The following IL15 variants were observed in gnomAD, a reference collection of about 807,000 sequenced individuals.
IL15 encodes the protein interleukin 15.
In IL15, 11 loss-of-function variants were observed where a neutral mutation model predicts 19.6. The observed-to-expected ratio is 0.56, with a 90% CI of 0.35 to 0.93. The LOEUF is 0.93. IL15 is among the 40% of genes least tolerant of loss of function. The pLI is 0.01. For synonymous variants in IL15, 58 were observed against 59.6 expected (o/e 0.97, Z 0.12); for missense variants, 197 against 186.5 (o/e 1.06, Z -0.33).
chr4:141,692,384 C>T (rs1363298480), intron 2 of IL15, among the ~76,000 whole-genome samples: 1 of 152,232 alleles, frequency 6.6e-6, no homozygotes, highest in Non-Finnish European at 1.5e-5. Context: ...AGGCAAATTT[C>T]TGCAGGCTTG....
At chr4:141,713,765 A>G (rs966364724) in intron 2 of IL15, among the ~76,000 whole-genome samples, 5 of 152,196 alleles carry the variant, frequency 3.3e-5, no homozygotes, top group Non-Finnish European at 5.9e-5. Context: ...CACTACCTTT[A>G]TGAAGTCCTA....
chr4:141,688,251 T>A (rs1579020752), intron 2 of IL15, among the ~76,000 whole-genome samples: 1 of 152,212 alleles, frequency 6.6e-6, no homozygotes, highest in African/African-American at 2.4e-5. Context: ...TGACATGTAG[T>A]GACCCTGAAA....
rs78794548 is a variant in IL15 at position 141,638,708 on chromosome 4, G to T, written c.-222+1960G>T. On this transcript the variant is annotated intron_variant, in intron 1 of 7. Coordinates refer to ENST00000320650, the MANE Select transcript of IL15 (RefSeq NM_000585.5). The stretch of plus-strand genomic sequence containing the variant: ...ATCGAAATAGATTTTGGAAGTGGAA[G>T]GTTTTAAAGCCTACGGGATACTCCA... Among the ~76,000 whole-genome samples, 58 of 152,276 alleles carry T rather than the reference G, an allele frequency of 3.8e-4. 1 individual carries two copies. Among genetic ancestry groups the T allele is most frequent in the Middle Eastern group, 6.8e-3 (2 of 294 alleles).
chr4:141,716,647 A>G, intron 2 of IL15: 1 of 152,374 alleles, frequency 6.6e-6, no homozygotes, highest in South Asian at 2.1e-4. Flanking sequence ...AGCCAAGGAA[A>G]TGGGGTTGCC....
chr4:141,693,037 A>AAAAAAAAAAAAAAAAAAAAT (rs1318447622), intron 2 of IL15, among the ~76,000 whole-genome samples: 1 of 148,414 alleles, frequency 6.7e-6, no homozygotes, highest in African/African-American at 2.5e-5. Flanking sequence ...AAAAAAAAAA[A>AAAAAAAAAAAAAAAAAAAAT]AAAAAGATAC....
At chr4:141,680,242 C>G (rs897856567) in intron 2 of IL15, among the ~76,000 whole-genome samples, 1 of 152,178 alleles carries the variant, frequency 6.6e-6, no homozygotes, top group South Asian at 2.1e-4. Flanking sequence ...TGCTGATTAT[C>G]TAGCTTGATA....
chr4:141,654,032 AC>A (rs1727501928), intron 1 of IL15, among the ~76,000 whole-genome samples: 1 of 152,228 alleles, frequency 6.6e-6, no homozygotes, highest in African/African-American at 2.4e-5. Context: ...AATGGAATAC[AC>A]TATTGTTTTA....
chr4:141,724,856 T>C (rs1730207836), intron 5 of IL15, among the ~76,000 whole-genome samples: 1 of 152,132 alleles, frequency 6.6e-6, no homozygotes, highest in Non-Finnish European at 1.5e-5. Flanking sequence ...CACTGAATCA[T>C]TCTATCAAAT....
At chr4:141,709,076 A>G (rs1415654486) in intron 2 of IL15, among the ~76,000 whole-genome samples, 1 of 132,904 alleles carries the variant, frequency 7.5e-6, no homozygotes, top group African/African-American at 2.9e-5. Context: ...TTCAATATTG[A>G]AAATTTTCAA....
chr4:141,700,451 C>G (rs1729245947), intron 2 of IL15, among the ~76,000 whole-genome samples: 1 of 152,106 alleles, frequency 6.6e-6, no homozygotes, highest in Non-Finnish European at 1.5e-5. Flanking sequence ...ATATAGGGCC[C>G]CAATCCCTTC....
rs143785767 is a variant in IL15 at position 141,680,857 on chromosome 4, C to G, written c.-100+24550C>G. On this transcript the variant is annotated intron_variant, in intron 2 of 7. Transcript: ENST00000320650. ...TCAACAATTCACCTCTTTCATTACC[C>G]TAGGTAGAGCTCCTCAGAAGTACTT... 3.2e-4 allele frequency among the ~76,000 whole-genome samples: 49 copies of G among 152,238 alleles called. 1 individual carries two copies. Among genetic ancestry groups the G allele is most frequent in the African/African-American group, 9.9e-4 (41 of 41,552 alleles).
At chr4:141,728,019 T>G (rs1325376326) in intron 6 of IL15, 35 bp downstream of exon 6, 2 of 1,018,668 alleles carry the variant, frequency 2.0e-6, no homozygotes, top group African/African-American at 3.3e-5. Flanking sequence ...GCTATTTGTC[T>G]TGTTATTAAA....
intron 2 of IL15, among the ~76,000 whole-genome samples, chr4:141,682,537 A>T (rs1024377871): frequency 1.8e-4 from 28 of 152,202 alleles, no homozygotes; most frequent in African/African-American, 6.3e-4. Context: ...CAGTCACATT[A>T]AAAAATGTGC....
intron 1 of IL15, among the ~76,000 whole-genome samples, chr4:141,648,616 A>T (rs961724794): frequency 6.6e-6 from 1 of 152,038 alleles, no homozygotes; most frequent in African/African-American, 2.4e-5. Flanking sequence ...GCTGTTAAAA[A>T]AATTTGCAGT....
chr4:141,640,643 A>C (rs1727010657), intron 1 of IL15, among the ~76,000 whole-genome samples: 1 of 152,196 alleles, frequency 6.6e-6, no homozygotes, highest in African/African-American at 2.4e-5. Flanking sequence ...CTTTAATCTC[A>C]GTTTAGTTCA....
intron 2 of IL15, among the ~76,000 whole-genome samples, chr4:141,693,932 T>C (rs1228040408): frequency 6.6e-6 from 1 of 152,214 alleles, no homozygotes; most frequent in Non-Finnish European, 1.5e-5. Context: ...TTTTTCTATA[T>C]GAGAGAAATA....
At chr4:141,636,941 T>C (rs1726875555) in intron 1 of IL15, 193 bp downstream of exon 1, 1 of 152,458 alleles carries the variant, frequency 6.6e-6, no homozygotes, top group Non-Finnish European at 1.5e-5. Flanking sequence ...GTTTTTCCTT[T>C]AATGACACTT....
chr4:141,640,000 G>A (rs1376811963), intron 1 of IL15, among the ~76,000 whole-genome samples: 1 of 152,110 alleles, frequency 6.6e-6, no homozygotes, highest in Non-Finnish European at 1.5e-5. Context: ...CTGTGTATGT[G>A]CATATATGTG....
chr4:141,641,679 C>T lies in IL15; in HGVS notation c.-222+4931C>T, dbSNP rs1400554698. On this transcript the variant is annotated intron_variant, in intron 1 of 7. Transcript: ENST00000320650. ...ACACAGGAAGGGGAACATCACACAC[C>T]GGGGCCTGTCATGGGGTGGGGGGAG... Among the ~76,000 whole-genome samples the T allele has an allele frequency of 2.2e-4, 24 of 111,132 alleles. 1 individual carries two copies. In the South Asian group the frequency reaches 3.3e-3, roughly 15 times the overall value. 72.9% of individuals were successfully genotyped at this position (111,132 alleles called of 152,430 possible). A position where few individuals can be genotyped will look rare whatever the true frequency, so the allele number is the denominator to read the frequency against.
Sources: gnomAD v4.1 joint callset for allele counts (sites outside exome capture counted in the v4.1 genomes callset) on GRCh38, gnomAD v4.1.1 for gene constraint, MANE v1.5 for transcripts, NCBI Gene and HGNC (gene_info 2026-07-23, HGNC 2026-07-21) for gene names.